The following PPP1R1C variants were observed in gnomAD, a reference collection of about 807,000 sequenced individuals.
PPP1R1C encodes protein phosphatase 1 regulatory inhibitor subunit 1C.
PPP1R1C carries 15 observed loss-of-function variants against 17.4 expected under a neutral mutation model. The ratio of observed to expected loss-of-function variants is 0.86; its 90% confidence interval spans 0.58 to 1.33. PPP1R1C has a LOEUF of 1.33. Among genes scored for constraint, PPP1R1C ranks in the 40% most tolerant of loss-of-function variants. The pLI is 0.00. For missense variants in PPP1R1C, 143 were observed against 130.0 expected, an observed-to-expected ratio of 1.10 and a Z score of -0.48; for synonymous variants, 35 against 43.1, an observed-to-expected ratio of 0.81 and a Z score of 0.73.
At chr2:182,043,276 A>G (rs1687239891) in intron 2 of PPP1R1C, among the ~76,000 whole-genome samples, 2 of 152,292 alleles carry the variant, frequency 1.3e-5, no homozygotes, top group Non-Finnish European at 1.5e-5. Flanking sequence ...TTTTACAAGA[A>G]CAGATTTCCA....
chr2:182,045,896 T>C (rs1008913812), intron 2 of PPP1R1C, among the ~76,000 whole-genome samples: 6 of 152,196 alleles, frequency 3.9e-5, no homozygotes, highest in African/African-American at 1.4e-4. Context: ...TATCCAATCA[T>C]ATTTGTCTTT....
At chr2:181,988,551 T>C (rs1053576112) in intron 2 of PPP1R1C, among the ~76,000 whole-genome samples, 2 of 152,238 alleles carry the variant, frequency 1.3e-5, no homozygotes, top group African/African-American at 4.8e-5. Context: ...AGCGGGGTGA[T>C]TTTTAGTCTC....
rs1685286833 is a variant in PPP1R1C, at chr2:181,986,042, C to T, written c.-69C>T. On this transcript the variant is annotated 5_prime_UTR_variant, in exon 1 of 5. Transcript: ENST00000682840. ...TTAGTGGAGTGTGTCTGAGGAAACA[C>T]ATCCCGGACACCACTTAGGGTTAGT... 3 of 1,205,502 alleles carry T rather than the reference C, an allele frequency of 2.5e-6. No individual in the cohort carries two copies. Among genetic ancestry groups the T allele is most frequent in the Non-Finnish European group, 3.7e-6 (3 of 808,896 alleles). 74.7% of individuals were successfully genotyped at this position (1,205,502 alleles called of 1,614,324 possible). A position where few individuals can be genotyped will look rare whatever the true frequency, so the allele number is the denominator to read the frequency against.
chr2:182,024,333 A>G (rs1559060597), intron 2 of PPP1R1C, among the ~76,000 whole-genome samples: 1 of 152,182 alleles, frequency 6.6e-6, no homozygotes, highest in Non-Finnish European at 1.5e-5. Flanking sequence ...AAGAATTAGA[A>G]CCAAAAAATT....
chr2:182,119,543 T>G (rs1208604413), downstream of PPP1R1C, among the ~76,000 whole-genome samples: 1 of 152,192 alleles, frequency 6.6e-6, no homozygotes, highest in Non-Finnish European at 1.5e-5. Context: ...GTGTTCCTAT[T>G]TCTCCACATC....
At chr2:182,021,320 T>G (rs1399189269) in intron 2 of PPP1R1C, among the ~76,000 whole-genome samples, 1 of 47,502 alleles carries the variant, frequency 2.1e-5, no homozygotes, top group Non-Finnish European at 4.8e-5. Flanking sequence ...TCTCTCTCTC[T>G]CTTTTTTTTT....
chr2:182,019,032 A>T (rs189838632), intron 2 of PPP1R1C, among the ~76,000 whole-genome samples: 15 of 152,322 alleles, frequency 9.8e-5, no homozygotes, highest in Non-Finnish European at 1.9e-4. Flanking sequence ...AATATATTAA[A>T]CACAGATAGT....
chr2:181,974,117 A>G (rs1685057382), intron 1 of PPP1R1C, among the ~76,000 whole-genome samples: 1 of 152,114 alleles, frequency 6.6e-6, no homozygotes, highest in Admixed American at 6.5e-5. Flanking sequence ...GGCTTTATAT[A>G]TGGGTGGGTA....
chr2:181,979,848 T>C (rs1685162864), intron 2 of PPP1R1C, among the ~76,000 whole-genome samples: 1 of 152,212 alleles, frequency 6.6e-6, no homozygotes, highest in Non-Finnish European at 1.5e-5. Flanking sequence ...TTCTATTTTA[T>C]TGAGAAGCTG....
Position 182,063,722 on chromosome 2 carries a change from TC to T in PPP1R1C, c.181-8del. 6.2e-7 allele frequency: 1 copy of T among 1,611,384 alleles called. No individual in the cohort carries two copies. Among genetic ancestry groups the T allele is most frequent in the East Asian group, 2.2e-5 (1 of 44,856 alleles). ...TCTAAGGCTTTTACTTTTTTCTCTT[TC>T]TCCACAGTTACAGAATGCATCCCCT... On this transcript the variant is annotated splice_polypyrimidine_tract_variant and splice_region_variant and intron_variant, in intron 3 of 4. Transcript: ENST00000682840.
At chr2:182,053,938 G>A (rs1243439248) in intron 2 of PPP1R1C, among the ~76,000 whole-genome samples, 4 of 151,892 alleles carry the variant, frequency 2.6e-5, no homozygotes, top group Non-Finnish European at 2.9e-5. Flanking sequence ...CTGCCATCAC[G>A]CCCGGCTAAT....
At chr2:181,966,565 T>A (rs1247876763) in intron 1 of PPP1R1C, among the ~76,000 whole-genome samples, 1 of 152,206 alleles carries the variant, frequency 6.6e-6, no homozygotes, top group Non-Finnish European at 1.5e-5. Flanking sequence ...GTTGCAATGA[T>A]CATATGGCTT....
At chr2:182,104,481 A>C (rs541459155) in intron 4 of PPP1R1C, among the ~76,000 whole-genome samples, 2 of 152,170 alleles carry the variant, frequency 1.3e-5, no homozygotes, top group Non-Finnish European at 2.9e-5. Flanking sequence ...TATTCAGTTA[A>C]TGTGGTGTAT....
chr2:182,085,120 T>C (rs1438557840), intron 4 of PPP1R1C, among the ~76,000 whole-genome samples: 3 of 152,060 alleles, frequency 2.0e-5, no homozygotes, highest in African/African-American at 7.2e-5. Flanking sequence ...TTTGTGTACA[T>C]TGATTTTGCT....
chr2:182,120,069 G>C (rs552823279), downstream of PPP1R1C, among the ~76,000 whole-genome samples: 1 of 152,060 alleles, frequency 6.6e-6, no homozygotes, highest in Non-Finnish European at 1.5e-5. Flanking sequence ...AATCCATCTC[G>C]AATTAATTTT....
chr2:182,045,143 T>C (rs970903745), intron 2 of PPP1R1C, among the ~76,000 whole-genome samples: 8 of 152,164 alleles, frequency 5.3e-5, no homozygotes, highest in African/African-American at 1.9e-4. Flanking sequence ...TAAATTACAT[T>C]TGAGACAAGA....
At chr2:182,022,271 G>A (rs771671936) in intron 2 of PPP1R1C, among the ~76,000 whole-genome samples, 6 of 152,164 alleles carry the variant, frequency 3.9e-5, no homozygotes, top group Non-Finnish European at 8.8e-5. Flanking sequence ...TATTTAGTGA[G>A]CATAGGCTAA....
Position 181,967,087 on chromosome 2 carries a change from A to T in PPP1R1C, n.112-8132A>T, listed in dbSNP as rs1684917566. On this transcript the variant is annotated intron_variant and non_coding_transcript_variant, in intron 1 of 5. Transcript: ENST00000464264. The surrounding 1 kb of genome is among the most constrained non-coding windows in gnomAD (Gnocchi z 5.5). ...TTTCTAGGTTTTCCAATTTATTGGCATATGGTTGCTCATAGTGGTCTCTAA... is the reference window on the plus strand; with the variant it reads ...TTTCTAGGTTTTCCAATTTATTGGCTTATGGTTGCTCATAGTGGTCTCTAA... Among the ~76,000 whole-genome samples, 1 of 152,106 alleles carries T rather than the reference A, an allele frequency of 6.6e-6. No individual in the cohort carries two copies. The highest frequency in any genetic ancestry group is 2.1e-4 in the South Asian group (1 of 4,830).
chr2:182,057,669 C>G (rs886232103), intron 2 of PPP1R1C, among the ~76,000 whole-genome samples: 1 of 152,162 alleles, frequency 6.6e-6, no homozygotes, highest in South Asian at 2.1e-4. Flanking sequence ...CAGCTTTCAA[C>G]AACTTCAACT....
Sources: gnomAD v4.1 joint callset for allele counts (sites outside exome capture counted in the v4.1 genomes callset) on GRCh38, gnomAD v4.1.1 for gene constraint, Gnocchi (gnomAD v3.1) non-coding constraint, MANE v1.5 for transcripts, NCBI Gene and HGNC (gene_info 2026-07-23, HGNC 2026-07-21) for gene names.